Variants in DNAH9 observed in about 807,000 individuals in gnomAD.
DNAH9 encodes dynein axonemal heavy chain 9.
Under a neutral mutation model 471.6 loss-of-function variants are expected in DNAH9, and 345 were observed. The observed-to-expected ratio is 0.73, with a 90% CI of 0.67 to 0.80. The LOEUF is 0.80. Ranked by LOEUF, DNAH9 falls within the 30% of genes least tolerant of loss-of-function variation. The pLI, the probability that DNAH9 is intolerant of heterozygous loss-of-function variation, is 0.00. For missense variants in DNAH9, 5,407 were observed against 5,609.2 expected, an observed-to-expected ratio of 0.96 and a Z score of 1.15; for synonymous variants, 2,093 against 2,123.6, an observed-to-expected ratio of 0.99 and a Z score of 0.40.
At chr17:11,967,052 AAAGT>A (rs1161540194) in intron 68 of DNAH9, among the ~76,000 whole-genome samples, 1 of 151,776 alleles carries the variant, frequency 6.6e-6, no homozygotes, top group African/African-American at 2.4e-5. Flanking sequence ...AAAAAAAAAA[AAAGT>A]AAGCTGGAAT....
chr17:11,618,278 A>G (rs1210429571), intron 5 of DNAH9, among the ~76,000 whole-genome samples: 1 of 152,176 alleles, frequency 6.6e-6, no homozygotes, highest in African/African-American at 2.4e-5. Context: ...ATAAACCTTG[A>G]GGAGTGTATC....
chr17:11,811,649 T>C lies in DNAH9; in HGVS notation c.8707+1280T>C, dbSNP rs901128636. Among the ~76,000 whole-genome samples, 8 of 152,288 alleles carry C rather than the reference T, an allele frequency of 5.3e-5. 1 individual carries two copies. Among genetic ancestry groups the C allele is most frequent in the South Asian group, 4.1e-4 (2 of 4,828 alleles). On this transcript the variant is annotated intron_variant, in intron 45 of 68. Coordinates refer to ENST00000262442, the MANE Select transcript of DNAH9 (RefSeq NM_001372.4). ...CCCAGAGTGGGTATGACCTGGTTTA[T>C]CTGTCTTACCCATCATTGCTTTTTA...
At chr17:11,803,770 G>C (rs1348033564) in intron 43 of DNAH9, among the ~76,000 whole-genome samples, 1 of 152,182 alleles carries the variant, frequency 6.6e-6, no homozygotes, top group Non-Finnish European at 1.5e-5. Context: ...AATAGGGCTG[G>C]GGGGTTGGGT....
At chr17:11,690,548 C>A in intron 20 of DNAH9, 112 bp downstream of exon 20, 2 of 1,068,640 alleles carry the variant, frequency 1.9e-6, no homozygotes, top group Non-Finnish European at 2.6e-6. Context: ...CTTGCTTTGA[C>A]TTTACTTAAA....
At chr17:11,846,081 C>T (rs953727683) in intron 49 of DNAH9, among the ~76,000 whole-genome samples, 83 of 151,020 alleles carry the variant, frequency 5.5e-4, no homozygotes, top group African/African-American at 1.9e-3. Context: ...CTTGCCCATG[C>T]CTATGTCCTG....
intron 10 of DNAH9, among the ~76,000 whole-genome samples, chr17:11,643,957 T>G (rs1222901713): frequency 1.3e-5 from 2 of 152,192 alleles, no homozygotes; most frequent in Non-Finnish European, 2.9e-5. Context: ...AATGGTACGC[T>G]TGTGTAGGAC....
intron 15 of DNAH9, among the ~76,000 whole-genome samples, chr17:11,666,201 C>T (rs950665020): frequency 1.3e-5 from 2 of 152,174 alleles, no homozygotes; most frequent in Non-Finnish European, 2.9e-5. Context: ...AGTGAACTGA[C>T]CAAGCCTCCT....
At chr17:11,791,170 A>G (rs1242736184) in intron 41 of DNAH9, among the ~76,000 whole-genome samples, 1 of 152,130 alleles carries the variant, frequency 6.6e-6, no homozygotes, top group Non-Finnish European at 1.5e-5. Context: ...AACTTGACCA[A>G]AAATATATTT....
Position 11,902,920 on chromosome 17 carries a change from A to T in DNAH9, c.11600+8A>T, listed in dbSNP as rs762871643. On this transcript the variant is annotated splice_region_variant and intron_variant, in intron 60 of 68. Transcript: ENST00000262442. Reference sequence around the variant, plus strand: ...GATGACCTATGCTTTGCGGTAGGAAACAGGGTGGTGGAAGGCCCAGCATAG... The same window carrying T: ...GATGACCTATGCTTTGCGGTAGGAATCAGGGTGGTGGAAGGCCCAGCATAG... 3 of 1,611,040 alleles carry T rather than the reference A, an allele frequency of 1.9e-6. No individual in the cohort carries two copies. The highest frequency in any genetic ancestry group is 2.5e-6 in the Non-Finnish European group (3 of 1,178,960).
chr17:11,640,737 A>G (rs1182660637), intron 10 of DNAH9, among the ~76,000 whole-genome samples: 1 of 152,170 alleles, frequency 6.6e-6, no homozygotes, highest in Non-Finnish European at 1.5e-5. Context: ...GAAAGTAATG[A>G]AGCCCAGTGT....
Position 11,913,351 on chromosome 17 carries a change from A to G in DNAH9, c.11749+7542A>G, listed in dbSNP as rs189234167. Among the ~76,000 whole-genome samples, 94 of 152,284 alleles carry G rather than the reference A, an allele frequency of 6.2e-4. 2 individuals are homozygous for G. Among genetic ancestry groups the G allele is most frequent in the Non-Finnish European group, 3.5e-4 (24 of 68,026 alleles). On this transcript the variant is annotated intron_variant, in intron 61 of 68. Coordinates refer to ENST00000262442, the MANE Select transcript of DNAH9 (RefSeq NM_001372.4). Reference sequence around the variant, plus strand: ...TTTATTTCTCTTTGAGTCACTTACCATAATTTATTTCTTTCTAAGACTTTG... The same window carrying G: ...TTTATTTCTCTTTGAGTCACTTACCGTAATTTATTTCTTTCTAAGACTTTG...
In DNAH9 at chr17:11,894,243, A is replaced by G. The variant is rs1008039914; in HGVS notation, c.11284-131A>G. 8 of 1,259,226 alleles carry G rather than the reference A, an allele frequency of 6.4e-6. No individual in the cohort carries two copies. In the East Asian group the frequency reaches 1.4e-4, roughly 22 times the overall value. The allele number at this position is 1,259,226 out of a possible 1,614,324, so 78.0% of individuals were successfully genotyped here. A position where few individuals can be genotyped will look rare whatever the true frequency, so the allele number is the denominator to read the frequency against. On this transcript the variant is annotated intron_variant, in intron 58 of 68. Transcript: ENST00000262442. ...ATACACTTCCTTCCACTCTACCCTC[A>G]TTAAACAACCAAAATTGATGGGCAA...
chr17:11,665,566 G>T (rs1597452968), intron 15 of DNAH9, among the ~76,000 whole-genome samples: 1 of 152,226 alleles, frequency 6.6e-6, no homozygotes, highest in African/African-American at 2.4e-5. Context: ...TGAATTTATA[G>T]TGGATAAACT....
intron 62 of DNAH9, among the ~76,000 whole-genome samples, chr17:11,929,270 G>A (rs1054818546): frequency 6.6e-6 from 1 of 151,916 alleles, no homozygotes; most frequent in Admixed American, 6.6e-5. Flanking sequence ...TCCTGACCTC[G>A]TGATCCGCCT....
intron 41 of DNAH9, among the ~76,000 whole-genome samples, chr17:11,785,238 C>T (rs1259934036): frequency 6.6e-6 from 1 of 152,052 alleles, no homozygotes; most frequent in Non-Finnish European, 1.5e-5. Flanking sequence ...CTACAACTCT[C>T]CCATTCTGGA....
chr17:11,612,461 A>G (rs2150643570), intron 4 of DNAH9: 1 of 152,780 alleles, frequency 6.5e-6, no homozygotes, highest in East Asian at 1.9e-4. Flanking sequence ...TGCACTGTAC[A>G]AATCCATGTT....
chr17:11,850,685 G>A (rs1971387662), intron 49 of DNAH9, among the ~76,000 whole-genome samples: 1 of 151,064 alleles, frequency 6.6e-6, no homozygotes, highest in Non-Finnish European at 1.5e-5. Flanking sequence ...CCAGCCTTGT[G>A]TTTCTATTAG....
Position 11,946,534 on chromosome 17 carries a change from G to C in DNAH9, c.12843+4049G>C, listed in dbSNP as rs574229163. ...AAAAAAATAGCCAGGCGTGGTGGCA[G>C]GCACCTGTAGTCCCAGCCACTCGGG... On this transcript the variant is annotated intron_variant, in intron 67 of 68. Transcript: ENST00000262442. Among the ~76,000 whole-genome samples, 27 of 150,224 alleles carry C rather than the reference G, an allele frequency of 1.8e-4. No individual in the cohort carries two copies. In the South Asian group the frequency reaches 5.5e-3, roughly 31 times the overall value.
intron 22 of DNAH9, among the ~76,000 whole-genome samples, chr17:11,697,093 G>A (rs1033060148): frequency 6.6e-6 from 1 of 152,168 alleles, no homozygotes; most frequent in African/African-American, 2.4e-5. Flanking sequence ...CTGGCTTCAA[G>A]TGATCCTCCC....
Sources: gnomAD v4.1 joint callset for allele counts (sites outside exome capture counted in the v4.1 genomes callset) on GRCh38, gnomAD v4.1.1 for gene constraint, MANE v1.5 for transcripts, NCBI Gene and HGNC (gene_info 2026-07-23, HGNC 2026-07-21) for gene names.